The following CHRM3 variants were observed in gnomAD, a reference collection of about 807,000 sequenced individuals.
The protein encoded by CHRM3 is cholinergic receptor muscarinic 3, also known as muscarinic acetylcholine receptor M3.
CHRM3 carries 11 observed loss-of-function variants against 41.8 expected under a neutral mutation model. The ratio of observed to expected loss-of-function variants is 0.26; its 90% confidence interval spans 0.17 to 0.44. CHRM3 has a LOEUF of 0.44. CHRM3 is among the 20% of genes least tolerant of loss of function. The pLI is 1.00. For synonymous variants in CHRM3, 297 were observed against 301.4 expected (o/e 0.99, Z 0.15); for missense variants, 571 against 745.4 (o/e 0.77, Z 2.72).
intron 4 of CHRM3, among the ~76,000 whole-genome samples, chr1:239,646,907 G>A (rs911275616): frequency 2.3e-4 from 35 of 152,102 alleles, no homozygotes; most frequent in African/African-American, 5.3e-4. Flanking sequence ...TAGATAGGTC[G>A]CTTTTCTGGG....
chr1:239,422,913 C>T (rs1336356520), intron 1 of CHRM3, among the ~76,000 whole-genome samples: 1 of 152,034 alleles, frequency 6.6e-6, no homozygotes, highest in Non-Finnish European at 1.5e-5. Flanking sequence ...TCGGATAGAA[C>T]AAGTCACTGG....
chr1:239,688,654 C>T (rs1206135067), intron 5 of CHRM3, among the ~76,000 whole-genome samples: 2 of 126,322 alleles, frequency 1.6e-5, no homozygotes, highest in African/African-American at 3.0e-5. Flanking sequence ...ATATATTACT[C>T]GGTATAATAT....
At chr1:239,897,350 A>T (rs1348856440) in intron 6 of CHRM3, among the ~76,000 whole-genome samples, 7 of 152,240 alleles carry the variant, frequency 4.6e-5, no homozygotes, top group Non-Finnish European at 1.0e-4. Flanking sequence ...TAATCATGAA[A>T]GCATAAATAT....
chr1:239,673,892 C>T (rs1657673505), intron 4 of CHRM3, among the ~76,000 whole-genome samples: 1 of 152,004 alleles, frequency 6.6e-6, no homozygotes, highest in South Asian at 2.1e-4. Flanking sequence ...AGATCAGCAA[C>T]CCTAATCTAA....
At chr1:239,435,736 T>C (rs1178838110) in intron 1 of CHRM3, among the ~76,000 whole-genome samples, 2 of 152,194 alleles carry the variant, frequency 1.3e-5, no homozygotes, top group South Asian at 2.1e-4. Flanking sequence ...ATACATATTA[T>C]TTATAAGAAT....
intron 3 of CHRM3, among the ~76,000 whole-genome samples, chr1:239,594,772 TG>T (rs1664597859): frequency 6.6e-6 from 1 of 152,138 alleles, no homozygotes; most frequent in South Asian, 2.1e-4. Context: ...TCTGCATTCA[TG>T]GATGTCAAAA....
rs538087923 is a variant in CHRM3, at chr1:239,492,153, G to A, written c.-520-556G>A. Among the ~76,000 whole-genome samples, 367 of 152,298 alleles carry A rather than the reference G, an allele frequency of 2.4e-3. 1 individual carries two copies. Among genetic ancestry groups the A allele is most frequent in the Non-Finnish European group, 3.7e-3 (252 of 68,030 alleles). On this transcript the variant is annotated intron_variant, in intron 1 of 6. Coordinates refer to ENST00000676153, the MANE Select transcript of CHRM3 (RefSeq NM_001375978.1). ...GAACAAGAACTTGAGCCCTGGCTAA[G>A]TATATGTTTCTAGCCATCCAGCAAT... is the stretch of plus-strand genomic sequence containing the variant.
At chr1:239,536,500 A>G (rs1212331731) in intron 2 of CHRM3, among the ~76,000 whole-genome samples, 2 of 152,212 alleles carry the variant, frequency 1.3e-5, no homozygotes, top group African/African-American at 2.4e-5. Context: ...TAAATATTGT[A>G]ATTCCAAAAC....
intron 5 of CHRM3, among the ~76,000 whole-genome samples, chr1:239,767,859 A>G (rs1305541375): frequency 2.0e-5 from 3 of 151,886 alleles, no homozygotes; most frequent in South Asian, 2.1e-4. Flanking sequence ...TTCTGCAGTG[A>G]TGTGTGTGTG....
intron 1 of CHRM3, among the ~76,000 whole-genome samples, chr1:239,450,789 A>G (rs1664501860): frequency 6.6e-6 from 1 of 152,218 alleles, no homozygotes; most frequent in African/African-American, 2.4e-5. Flanking sequence ...CAAGGGCAGG[A>G]CTCATCACAC....
intron 1 of CHRM3, among the ~76,000 whole-genome samples, chr1:239,444,388 A>G (rs756161474): frequency 5.9e-5 from 9 of 152,234 alleles, no homozygotes; most frequent in Non-Finnish European, 1.3e-4. Flanking sequence ...CAGACATTTC[A>G]TACACAACTG....
At chr1:239,399,189 T>C (rs1659748687) in intron 1 of CHRM3, among the ~76,000 whole-genome samples, 1 of 152,126 alleles carries the variant, frequency 6.6e-6, no homozygotes, top group African/African-American at 2.4e-5. Context: ...TCAGACAATA[T>C]CTCATTGAAT....
At chr1:239,481,058 C>T (rs1236053617) in intron 1 of CHRM3, among the ~76,000 whole-genome samples, 1 of 152,104 alleles carries the variant, frequency 6.6e-6, no homozygotes, top group Non-Finnish European at 1.5e-5. Flanking sequence ...TAACAAATTA[C>T]AGTGTTTCCA....
intron 5 of CHRM3, among the ~76,000 whole-genome samples, chr1:239,814,648 A>G (rs867764395): frequency 6.6e-6 from 1 of 152,198 alleles, no homozygotes; most frequent in Non-Finnish European, 1.5e-5. Context: ...AGTGAGAAAG[A>G]TGGTCCACAC....
chr1:239,656,123 G>A (rs959598217), intron 4 of CHRM3, among the ~76,000 whole-genome samples: 2 of 152,010 alleles, frequency 1.3e-5, no homozygotes, highest in African/African-American at 4.8e-5. Flanking sequence ...CACAAAGAAG[G>A]AAAGGATAAA....
chr1:239,592,324 A>G (rs185295267), intron 3 of CHRM3, among the ~76,000 whole-genome samples: 1 of 152,116 alleles, frequency 6.6e-6, no homozygotes, highest in Admixed American at 6.5e-5. Context: ...ACCTTATGAT[A>G]TTTTTTCCAT....
chr1:239,882,169 A>G (rs993857611), intron 6 of CHRM3, among the ~76,000 whole-genome samples: 23 of 152,270 alleles, frequency 1.5e-4, no homozygotes, highest in African/African-American at 5.3e-4. Context: ...CAGCCTCCCA[A>G]AGTGCTGGGA....
At chr1:239,561,453 C>T (rs940571801) in intron 3 of CHRM3, among the ~76,000 whole-genome samples, 1 of 152,068 alleles carries the variant, frequency 6.6e-6, no homozygotes, top group East Asian at 1.9e-4. Context: ...TTATGGTTGC[C>T]TCCTGTTTTT....
At chr1:239,737,401 T>C (rs1029862785) in intron 5 of CHRM3, among the ~76,000 whole-genome samples, 2 of 152,266 alleles carry the variant, frequency 1.3e-5, no homozygotes, top group South Asian at 2.1e-4. Flanking sequence ...AGTGCGATAA[T>C]GTTGGGATGG....
Sources: allele counts gnomAD v4.1 joint callset (sites outside exome capture counted in the v4.1 genomes callset), GRCh38; gene constraint gnomAD v4.1.1; transcripts MANE v1.5; gene names NCBI Gene and HGNC (gene_info 2026-07-23, HGNC 2026-07-21).